The following CADPS variants were observed in gnomAD, a reference collection of about 807,000 sequenced individuals.
CADPS encodes the protein calcium-dependent secretion activator 1.
In CADPS, 57 loss-of-function variants were observed where a neutral mutation model predicts 167.3. That is an observed-to-expected ratio of 0.34 (90% CI 0.28 to 0.42). The LOEUF (loss-of-function observed/expected upper bound fraction) is 0.42, where lower values mean the gene tolerates loss of function less well. Ranked by LOEUF, CADPS falls within the 20% of genes least tolerant of loss-of-function variation. The pLI, the probability that CADPS is intolerant of heterozygous loss-of-function variation, is 1.00. For missense variants in CADPS, 1,414 were observed against 1,738.1 expected, an observed-to-expected ratio of 0.81 and a Z score of 3.32; for synonymous variants, 676 against 635.3, an observed-to-expected ratio of 1.06 and a Z score of -0.96.
intron 27 of CADPS, among the ~76,000 whole-genome samples, chr3:62,445,289 T>A (rs977670176): frequency 1.3e-5 from 2 of 152,138 alleles, no homozygotes; most frequent in African/African-American, 4.8e-5. Context: ...AATTTAGAAT[T>A]TATTTGTTTT....
intron 1 of CADPS, among the ~76,000 whole-genome samples, chr3:62,835,523 G>A (rs1302627031): frequency 6.6e-6 from 1 of 152,070 alleles, no homozygotes; most frequent in Non-Finnish European, 1.5e-5. Flanking sequence ...GAAAACATGG[G>A]GCCTTGTAAA....
At chr3:62,418,196 A>G (rs1436357824) in intron 28 of CADPS, among the ~76,000 whole-genome samples, 1 of 152,030 alleles carries the variant, frequency 6.6e-6, no homozygotes, top group African/African-American at 2.4e-5. Context: ...AAAAAGGAAG[A>G]AAAGGAAATG....
At chr3:62,592,331 C>T (rs1375649259) in intron 7 of CADPS, among the ~76,000 whole-genome samples, 2 of 152,118 alleles carry the variant, frequency 1.3e-5, no homozygotes, top group East Asian at 1.9e-4. Context: ...CACTTTAAGA[C>T]AGTAAAAGAC....
rs1298637072 is a variant in CADPS, at chr3:62,586,621, A to G, written c.1438-1297T>C. On this transcript the variant is annotated intron_variant, in intron 7 of 29. Coordinates refer to ENST00000383710, the MANE Select transcript of CADPS (RefSeq NM_003716.4). ...AAGTTCCCTGTCTCTGATGAAATAT[A>G]CATTCTTGCTAACCACAAATTTCAA... is the stretch of plus-strand genomic sequence containing the variant. Among the ~76,000 whole-genome samples the G allele has an allele frequency of 3.3e-5, 5 of 152,314 alleles. No individual in the cohort carries two copies. The East Asian group carries it at 7.7e-4, about 23-fold the overall frequency.
At chr3:62,744,055 T>C (rs1302499832) in intron 3 of CADPS, among the ~76,000 whole-genome samples, 1 of 152,198 alleles carries the variant, frequency 6.6e-6, no homozygotes, top group Non-Finnish European at 1.5e-5. Flanking sequence ...TGTTGCTGAC[T>C]GGCTGTATGA....
At chr3:62,561,757 A>G (rs1161128367) in intron 9 of CADPS, among the ~76,000 whole-genome samples, 1 of 152,176 alleles carries the variant, frequency 6.6e-6, no homozygotes, top group Admixed American at 6.5e-5. Flanking sequence ...TGGGAGACTA[A>G]AATACTTGGA....
At chr3:62,854,001 A>G (rs1169692588) in intron 1 of CADPS, among the ~76,000 whole-genome samples, 1 of 152,156 alleles carries the variant, frequency 6.6e-6, no homozygotes, top group Non-Finnish European at 1.5e-5. Context: ...AAGTAAGTAA[A>G]AAGAAAGATT....
intron 1 of CADPS, among the ~76,000 whole-genome samples, chr3:62,858,491 C>A (rs2080131410): frequency 6.6e-6 from 1 of 152,034 alleles, no homozygotes; most frequent in Non-Finnish European, 1.5e-5. Flanking sequence ...GTTGATGGGT[C>A]TGAACTCAGC....
At chr3:62,822,965 T>C (rs1043754002) in intron 1 of CADPS, among the ~76,000 whole-genome samples, 4 of 152,232 alleles carry the variant, frequency 2.6e-5, no homozygotes, top group Non-Finnish European at 4.4e-5. Context: ...GGAACCTAGA[T>C]GTCAAGGTTG....
chr3:62,596,086 TATACAC>T (rs1325933063), intron 6 of CADPS, among the ~76,000 whole-genome samples: 14 of 114,222 alleles, frequency 1.2e-4, no homozygotes, highest in Non-Finnish European at 3.5e-5. Flanking sequence ...TATATATATG[TATACAC>T]ACACACACAC....
intron 5 of CADPS, among the ~76,000 whole-genome samples, chr3:62,649,543 C>CTTTTTTTTTTTTTTTTTTTTTTTTTTT (rs369874258): frequency 2.6e-5 from 1 of 37,786 alleles, no homozygotes; most frequent in African/African-American, 1.1e-4. Flanking sequence ...AATATGTGGT[C>CTTTTTTTTTTTTTTTTTTTTTTTTTTT]TTTTTTTTTT....
intron 7 of CADPS, among the ~76,000 whole-genome samples, chr3:62,591,647 T>A (rs1393712382): frequency 6.6e-6 from 1 of 152,142 alleles, no homozygotes; most frequent in East Asian, 1.9e-4. Context: ...AAAATCAACT[T>A]GTGAAAATAT....
intron 8 of CADPS, among the ~76,000 whole-genome samples, chr3:62,581,559 T>C (rs1055082886): frequency 6.6e-6 from 1 of 151,740 alleles, no homozygotes; most frequent in African/African-American, 2.4e-5. Context: ...TACATGGCTG[T>C]AGTCCCAGCT....
chr3:62,542,376 T>C (rs1194981710), intron 11 of CADPS, among the ~76,000 whole-genome samples: 4 of 152,146 alleles, frequency 2.6e-5, no homozygotes, highest in Non-Finnish European at 5.9e-5. Context: ...AGTGAATGTA[T>C]GGTTTGGACA....
intron 8 of CADPS, among the ~76,000 whole-genome samples, chr3:62,581,542 G>T (rs939253926): frequency 6.6e-6 from 1 of 151,798 alleles, no homozygotes; most frequent in Non-Finnish European, 1.5e-5. Context: ...TTAGCTGGGC[G>T]TGGTGGTACA....
chr3:62,475,610 A>AAC (rs2061215734), intron 23 of CADPS, among the ~76,000 whole-genome samples: 1 of 150,758 alleles, frequency 6.6e-6, no homozygotes, highest in Non-Finnish European at 1.5e-5. Flanking sequence ...AAAAAAAAAA[A>AAC]AACACCTAAA....
rs201925089 is a variant in CADPS, at chr3:62,451,069, CA to C, written c.3637-5273del. ...TTTCTTGTAACCTTAAATGGCTTCT[CA>C]AAAAAAAAATGTATGAGGGACTTGA... is the stretch of plus-strand genomic sequence containing the variant. On this transcript the variant is annotated intron_variant, in intron 26 of 29. Transcript: ENST00000383710. Among the ~76,000 whole-genome samples the C allele has an allele frequency of 2.9e-4, 43 of 148,150 alleles. No homozygotes were observed. In the East Asian group the frequency reaches 3.0e-3, roughly 10 times the overall value.
intron 2 of CADPS, among the ~76,000 whole-genome samples, chr3:62,757,123 A>G (rs887830173): frequency 1.2e-4 from 19 of 152,188 alleles, no homozygotes; most frequent in African/African-American, 4.1e-4. Context: ...CAGTGGGGAC[A>G]CTAAGGGGTT....
chr3:62,630,648 C>T (rs961519947), intron 6 of CADPS, among the ~76,000 whole-genome samples: 4 of 152,164 alleles, frequency 2.6e-5, no homozygotes, highest in Non-Finnish European at 4.4e-5. Context: ...AGCCACCATG[C>T]AGTTTCTTTT....
Sources: gnomAD v4.1 joint callset for allele counts (sites outside exome capture counted in the v4.1 genomes callset) on GRCh38, gnomAD v4.1.1 for gene constraint, MANE v1.5 for transcripts, NCBI Gene and HGNC (gene_info 2026-07-23, HGNC 2026-07-21) for gene names.